DLGAP2: variants seen among roughly 807,000 people sequenced by gnomAD.
DLGAP2 encodes DLG associated protein 2.
Under a neutral mutation model 100.3 loss-of-function variants are expected in DLGAP2, and 26 were observed. The ratio of observed to expected loss-of-function variants is 0.26; its 90% CI spans 0.19 to 0.36. The LOEUF is 0.36. DLGAP2 is among the 10% of genes least tolerant of loss of function. The pLI is 1.00. For missense variants in DLGAP2, 1,858 were observed against 1,453.2 expected (o/e 1.28, Z -4.53); for synonymous variants, 886 against 630.1 (o/e 1.41, Z -6.08).
At chr8:1,430,849 C>T (rs1419254449) in intron 3 of DLGAP2, among the ~76,000 whole-genome samples, 3 of 152,134 alleles carry the variant, frequency 2.0e-5, no homozygotes, top group Non-Finnish European at 2.9e-5. Flanking sequence ...AGGAATGGCA[C>T]GGCAGCGTCT....
chr8:966,135 C>T (rs1316566488), intron 2 of DLGAP2, among the ~76,000 whole-genome samples: 2 of 152,200 alleles, frequency 1.3e-5, no homozygotes, highest in African/African-American at 2.4e-5. Context: ...GCATCATCCT[C>T]GTTTCTTGCA....
chr8:974,260 A>G (rs1015062923), intron 2 of DLGAP2, among the ~76,000 whole-genome samples: 6 of 152,236 alleles, frequency 3.9e-5, no homozygotes, highest in African/African-American at 1.4e-4. Flanking sequence ...AAATCTTGAA[A>G]GAAGCTACAG....
intron 1 of DLGAP2, among the ~76,000 whole-genome samples, chr8:849,363 G>A (rs1797137856): frequency 6.6e-6 from 1 of 152,240 alleles, no homozygotes; most frequent in Non-Finnish European, 1.5e-5. Context: ...AAGCACTGGA[G>A]CTGTTTCCAG....
At chr8:873,500 C>T (rs1228100012) in intron 1 of DLGAP2, among the ~76,000 whole-genome samples, 2 of 152,060 alleles carry the variant, frequency 1.3e-5, no homozygotes, top group Admixed American at 6.5e-5. Flanking sequence ...AGGAACTTTC[C>T]TTCTATTTCT....
chr8:1,270,950 G>GT lies in DLGAP2; in HGVS notation c.106+12070dup, dbSNP rs569830010. ...CGTTGACCTGCTACTTAGTAAAACT[G>GT]TTTCTTATTGTTAGACGTGTTGCAA... is the stretch of plus-strand genomic sequence containing the variant. On this transcript the variant is annotated intron_variant, in intron 3 of 14. Coordinates refer to ENST00000637795, the MANE Select transcript of DLGAP2 (RefSeq NM_001346810.2). Among the ~76,000 whole-genome samples the GT allele has an allele frequency of 9.9e-5, 15 of 152,210 alleles. No homozygotes were observed. In the East Asian group the frequency reaches 2.9e-3, roughly 29 times the overall value.
intron 1 of DLGAP2, among the ~76,000 whole-genome samples, chr8:898,400 G>A (rs555572819): frequency 6.6e-6 from 1 of 152,302 alleles, no homozygotes; most frequent in Admixed American, 6.5e-5. Context: ...CTGGAAGGCG[G>A]TCATTGGCCG....
intron 2 of DLGAP2, among the ~76,000 whole-genome samples, chr8:1,200,292 TC>T (rs1358154355): frequency 6.6e-6 from 1 of 152,214 alleles, no homozygotes; most frequent in African/African-American, 2.4e-5. Flanking sequence ...AGCCTCTTGC[TC>T]CGGGGTCCTG....
chr8:1,275,359 T>C (rs1799661077), intron 3 of DLGAP2, among the ~76,000 whole-genome samples: 3 of 135,578 alleles, frequency 2.2e-5, no homozygotes, highest in Non-Finnish European at 3.1e-5. Context: ...GAATTTGGAA[T>C]GGAAAAAAAA....
chr8:779,095 C>T lies in DLGAP2; in HGVS notation c.18+41270C>T, dbSNP rs185040059. Reference sequence around the variant, plus strand: ...AGCGCAGTATGCGGGTGGGAGTGACCCGATTTTCCAGGTGCCGTCCGTCAC... The same window carrying T: ...AGCGCAGTATGCGGGTGGGAGTGACTCGATTTTCCAGGTGCCGTCCGTCAC... On this transcript the variant is annotated intron_variant, in intron 1 of 14. Coordinates refer to ENST00000637795, the MANE Select transcript of DLGAP2 (RefSeq NM_001346810.2). Among the ~76,000 whole-genome samples the T allele has an allele frequency of 1.5e-3, 228 of 152,318 alleles. 2 individuals are homozygous for T. The highest frequency in any genetic ancestry group is 4.2e-3 in the African/African-American group (174 of 41,566).
chr8:1,282,624 C>G (rs1197335450), intron 3 of DLGAP2, among the ~76,000 whole-genome samples: 1 of 122,172 alleles, frequency 8.2e-6, no homozygotes, highest in African/African-American at 3.3e-5. Flanking sequence ...ACCATCCAGA[C>G]GTGGTGTGAC....
At chr8:859,937 A>G (rs993433765) in intron 1 of DLGAP2, among the ~76,000 whole-genome samples, 1 of 151,990 alleles carries the variant, frequency 6.6e-6, no homozygotes, top group Non-Finnish European at 1.5e-5. Context: ...TCCAGTATTG[A>G]GGTGTTGCTG....
chr8:1,526,353 C>A (rs571990825), intron 4 of DLGAP2, among the ~76,000 whole-genome samples: 57 of 152,076 alleles, frequency 3.7e-4, no homozygotes, highest in African/African-American at 1.3e-3. Flanking sequence ...GAGTCTCCCC[C>A]ACTCACAGGG....
chr8:1,208,617 G>T (rs956571987), intron 2 of DLGAP2, among the ~76,000 whole-genome samples: 3 of 99,590 alleles, frequency 3.0e-5, no homozygotes, highest in Non-Finnish European at 5.4e-5. Flanking sequence ...AGTACTAGAA[G>T]TCCTAGCCAG....
At chr8:967,411 T>G (rs1406222172) in intron 2 of DLGAP2, among the ~76,000 whole-genome samples, 2 of 152,206 alleles carry the variant, frequency 1.3e-5, no homozygotes, top group Admixed American at 6.5e-5. Context: ...AGATTATTCT[T>G]ACTCATTTGA....
At chr8:1,628,688 C>G (rs1585012318) in intron 7 of DLGAP2, among the ~76,000 whole-genome samples, 1 of 147,598 alleles carries the variant, frequency 6.8e-6, no homozygotes, top group East Asian at 2.1e-4. Context: ...GAGCTGACCT[C>G]ACATTCTCTC....
At chr8:1,115,729 C>T (rs1487483986) in intron 2 of DLGAP2, among the ~76,000 whole-genome samples, 1 of 152,178 alleles carries the variant, frequency 6.6e-6, no homozygotes. Flanking sequence ...TGTAGAGTTA[C>T]AGCTGGTGCT....
chr8:1,189,759 G>T (rs1797593858), intron 2 of DLGAP2, among the ~76,000 whole-genome samples: 1 of 152,194 alleles, frequency 6.6e-6, no homozygotes, highest in Non-Finnish European at 1.5e-5. Flanking sequence ...TCAGGACACG[G>T]CAGATACAGC....
chr8:1,021,917 C>T (rs1244548305), intron 2 of DLGAP2, among the ~76,000 whole-genome samples: 3 of 152,160 alleles, frequency 2.0e-5, no homozygotes, highest in Admixed American at 6.5e-5. Flanking sequence ...CCCCCACTTC[C>T]TGGGAGCATC....
chr8:1,257,002 G>A (rs1799237487), intron 2 of DLGAP2, among the ~76,000 whole-genome samples: 1 of 152,090 alleles, frequency 6.6e-6, no homozygotes, highest in Non-Finnish European at 1.5e-5. Flanking sequence ...TGCGTCCGAT[G>A]GCTTCTACTT....
Sources: allele counts gnomAD v4.1 joint callset (sites outside exome capture counted in the v4.1 genomes callset), GRCh38; gene constraint gnomAD v4.1.1; transcripts MANE v1.5; gene names NCBI Gene and HGNC (gene_info 2026-07-23, HGNC 2026-07-21).